The following DBF4 variants were observed in gnomAD, a reference collection of about 807,000 sequenced individuals.
The protein encoded by DBF4 is DBF4-CDC7 kinase regulatory subunit.
A neutral mutation model predicts 76.6 loss-of-function variants in DBF4; 25 were observed. The ratio of observed to expected loss-of-function variants is 0.33; its 90% CI spans 0.24 to 0.46. DBF4 has a LOEUF of 0.46. Ranked by LOEUF, DBF4 falls within the 20% of genes least tolerant of loss-of-function variation. The pLI is 1.00. For missense variants in DBF4, 638 were observed against 760.8 expected (o/e 0.84, Z 1.90); for synonymous variants, 213 against 258.0 (o/e 0.83, Z 1.67).
chr7:87,876,870 C>T (rs747346541), intron 1 of DBF4, 92 bp downstream of exon 1: 4 of 1,413,834 alleles, frequency 2.8e-6, no homozygotes, highest in Non-Finnish European at 3.9e-6. Context: ...CCGCCGGGTC[C>T]TCAGCTTCTT....
intron 6 of DBF4, among the ~76,000 whole-genome samples, chr7:87,893,587 A>G (rs1379776038): frequency 2.0e-5 from 3 of 152,082 alleles, no homozygotes; most frequent in Non-Finnish European, 2.9e-5. Flanking sequence ...AGCCTCTGTA[A>G]TGCTCTCTCT....
chr7:87,882,321 A>G (rs931655063), intron 2 of DBF4, among the ~76,000 whole-genome samples: 7 of 152,208 alleles, frequency 4.6e-5, no homozygotes, highest in African/African-American at 1.7e-4. Context: ...ATATGCGTAA[A>G]TGAGCTCAAA....
chr7:87,877,061 G>A (rs1349007944), intron 1 of DBF4, among the ~76,000 whole-genome samples: 1 of 152,200 alleles, frequency 6.6e-6, no homozygotes, highest in Admixed American at 6.5e-5. Flanking sequence ...CCGGGACCTC[G>A]CCGGGACTGC....
intron 11 of DBF4, among the ~76,000 whole-genome samples, chr7:87,904,635 G>A (rs1185492685): frequency 6.6e-6 from 1 of 152,052 alleles, no homozygotes; most frequent in African/African-American, 2.4e-5. Context: ...CCAGCTACTC[G>A]GGAGGCTGAG....
chr7:87,897,255 G>T, intron 7 of DBF4, 39 bp from the exon 8 acceptor site: 2 of 1,529,146 alleles, frequency 1.3e-6, no homozygotes, highest in Admixed American at 2.0e-5. Context: ...AAAGAATCCT[G>T]AATTTGCAAG....
chr7:87,879,840 C>A (rs1839166761), intron 2 of DBF4, among the ~76,000 whole-genome samples: 1 of 151,826 alleles, frequency 6.6e-6, no homozygotes, highest in Non-Finnish European at 1.5e-5. Context: ...GTAGTCCCAG[C>A]TATTCGGGAG....
chr7:87,907,326 T>A lies in DBF4; in HGVS notation c.1188T>A (p.Asn396Lys). Residue 396 changes from asparagine (N) to lysine (K), a missense_variant, in exon 12 of 12, where the codon AAT (asparagine) becomes AAA (lysine). Physicochemically the swap from Asn to Lys is moderately conservative, Grantham distance 94. Coordinates refer to ENST00000265728, the MANE Select transcript of DBF4 (RefSeq NM_006716.4). ...ATGATACAACAGTGAAGGAGCAGAA[T>A]TTCCTGTATAAAGAGACCCAGGAAA... is the stretch of plus-strand genomic sequence containing the variant. ...QEDDTTVKEQNFLYKETQETE... is the reference protein window; with the variant it reads ...QEDDTTVKEQKFLYKETQETE... 4 of 1,614,028 alleles carry A rather than the reference T, an allele frequency of 2.5e-6. No homozygotes were observed. Among genetic ancestry groups the A allele is most frequent in the Non-Finnish European group, 3.4e-6 (4 of 1,179,938 alleles).
At chr7:87,885,679 T>C (rs148329741) in intron 3 of DBF4, among the ~76,000 whole-genome samples, 28 of 151,500 alleles carry the variant, frequency 1.8e-4, no homozygotes, top group African/African-American at 6.6e-4. Flanking sequence ...CATACCTGTT[T>C]GTTTAGGTAT....
intron 11 of DBF4, among the ~76,000 whole-genome samples, chr7:87,905,406 T>A (rs1034780886): frequency 2.6e-5 from 4 of 152,206 alleles, no homozygotes; most frequent in African/African-American, 9.6e-5. Context: ...TTTTAGGTAA[T>A]ATTAAGGAGT....
intron 6 of DBF4, among the ~76,000 whole-genome samples, chr7:87,895,732 T>A (rs1189486781): frequency 2.0e-5 from 3 of 152,236 alleles, no homozygotes; most frequent in African/African-American, 7.2e-5. Flanking sequence ...TGCAGTGGCC[T>A]CTTTCCCAGG....
At chr7:87,888,498 T>TG in intron 6 of DBF4, 3 of 179,156 alleles carry the variant, frequency 1.7e-5, no homozygotes, top group Non-Finnish European at 3.2e-5. Flanking sequence ...AACAACCACA[T>TG]TGGTTGTTAA....
rs755510050 is a variant in DBF4, at chr7:87,904,426, T to G, written c.1049+10T>G. On this transcript the variant is annotated intron_variant, in intron 11 of 11. Coordinates refer to ENST00000265728, the MANE Select transcript of DBF4 (RefSeq NM_006716.4). ...CACCTAAAAAGAAAAGGTAATTAGTTTTATCAACCTAAGTTTTAAATTCTA... is the reference window on the plus strand; with the variant it reads ...CACCTAAAAAGAAAAGGTAATTAGTGTTATCAACCTAAGTTTTAAATTCTA... 1.2e-6 allele frequency: 2 copies of G among 1,609,632 alleles called. No individual in the cohort carries two copies. Among genetic ancestry groups the G allele is most frequent in the East Asian group, 4.5e-5 (2 of 44,652 alleles).
chr7:87,902,528 A>G (rs1189745333), intron 10 of DBF4, among the ~76,000 whole-genome samples: 1 of 152,196 alleles, frequency 6.6e-6, no homozygotes, highest in Non-Finnish European at 1.5e-5. Flanking sequence ...ATGAAGTGCA[A>G]TGGGAATAAA....
intron 6 of DBF4, among the ~76,000 whole-genome samples, chr7:87,894,462 GAAAA>G (rs577152993): frequency 6.6e-6 from 1 of 151,140 alleles, no homozygotes; most frequent in Non-Finnish European, 1.5e-5. Context: ...GGAAAAAAAA[GAAAA>G]AAAAAGTTGG....
Position 87,908,322 on chromosome 7 carries a change from T to C in DBF4, c.*159T>C, listed in dbSNP as rs1839960317. The C allele has an allele frequency of 8.7e-6, 6 of 690,340 alleles. No homozygotes were observed. 42.8% of individuals were successfully genotyped at this position (690,340 alleles called of 1,614,324 possible). A position where few individuals can be genotyped will look rare whatever the true frequency, so the allele number is the denominator to read the frequency against. On this transcript the variant is annotated 3_prime_UTR_variant, in exon 12 of 12. Transcript: ENST00000265728. ...ATTTGCAATTTTCTACAGAATTGAA[T>C]ACCTGTTAAAGAAAAATTACAGAAT...
chr7:87,888,411 C>G (rs1349439566), intron 6 of DBF4: 5 of 736,682 alleles, frequency 6.8e-6, no homozygotes, highest in African/African-American at 1.9e-5. Context: ...ATGTACTATC[C>G]TTTTCAACTG....
At chr7:87,889,042 A>C (rs1205198487) in intron 6 of DBF4, among the ~76,000 whole-genome samples, 1 of 152,242 alleles carries the variant, frequency 6.6e-6, no homozygotes, top group African/African-American at 2.4e-5. Context: ...ATACAGCCTG[A>C]TCTTTGAGTG....
chr7:87,896,913 T>C (rs1469869280), intron 7 of DBF4, among the ~76,000 whole-genome samples: 1 of 152,246 alleles, frequency 6.6e-6, no homozygotes, highest in Non-Finnish European at 1.5e-5. Flanking sequence ...GATGAAAATA[T>C]GTGCAGTTTC....
intron 1 of DBF4, 61 bp downstream of exon 1, chr7:87,876,839 C>T (rs1305399037): frequency 6.3e-7 from 1 of 1,580,434 alleles, no homozygotes; most frequent in East Asian, 2.2e-5. Flanking sequence ...GTGGTTCCAC[C>T]ATTGATTCTT....
Sources: allele counts gnomAD v4.1 joint callset (sites outside exome capture counted in the v4.1 genomes callset), GRCh38; gene constraint gnomAD v4.1.1; transcripts MANE v1.5; gene names NCBI Gene and HGNC (gene_info 2026-07-23, HGNC 2026-07-21).